Variants in FBXO34 observed in about 807,000 individuals in gnomAD.
FBXO34 encodes the protein F-box only protein 34.
Under a neutral mutation model 24.5 loss-of-function variants are expected in FBXO34, and 12 were observed. The ratio of observed to expected loss-of-function variants is 0.49; its 90% confidence interval spans 0.31 to 0.79. The LOEUF is 0.79. FBXO34 is among the 30% of genes least tolerant of loss of function. The probability of loss-of-function intolerance (pLI) is 0.04; values close to 1 mark genes in which losing one functional copy is unlikely to be tolerated. For synonymous variants in FBXO34, 320 were observed against 311.9 expected (o/e 1.03, Z -0.27); for missense variants, 823 against 857.7 (o/e 0.96, Z 0.51).
chr14:55,412,330 T>A, the FBXO34 span, among the ~76,000 whole-genome samples: 1 of 152,202 alleles, frequency 6.6e-6, no homozygotes, highest in Non-Finnish European at 1.5e-5. Flanking sequence ...TGTTCTCTCG[T>A]GTTAAATGGA....
rs1390542159 is a variant in FBXO34 at position 55,352,100 on chromosome 14, G to C, written c.1710G>C (p.Glu570Asp). ...GGTTTAAAATCCAGCAGCTTTTGGA[G>C]CCTCAGCAGTACATGGCTTTTCTGC... ...ETRFKIQQLL[E>D]PQQYMAFLPH... Residue 570 changes from glutamate to aspartate, a missense_variant, in exon 2 of 2, where the codon GAG becomes GAC. Around this residue, in one of 2 missense-constraint regions of FBXO34, gnomAD observed 130 missense variants for 198.6 expected, o/e 0.65. Transcript: ENST00000313833. The C allele has an allele frequency of 6.2e-7, 1 of 1,614,162 alleles. No individual in the cohort carries two copies. Among genetic ancestry groups the C allele is most frequent in the South Asian group, 1.1e-5 (1 of 91,076 alleles).
the FBXO34 span, among the ~76,000 whole-genome samples, chr14:55,402,090 A>C: frequency 5.3e-5 from 8 of 152,190 alleles, no homozygotes; most frequent in East Asian, 1.9e-4. Flanking sequence ...CAGAAAAACA[A>C]CACCAGGGCA....
At chr14:55,440,472 G>T in the FBXO34 span, 1 of 1,611,804 alleles carries the variant, frequency 6.2e-7, no homozygotes, top group Non-Finnish European at 8.5e-7. Flanking sequence ...CACTGTTGGG[G>T]GTGGGGGCGG....
chr14:55,296,113 T>C (rs1193880221), intron 1 of FBXO34, among the ~76,000 whole-genome samples: 2 of 151,854 alleles, frequency 1.3e-5, no homozygotes, highest in East Asian at 1.9e-4. Context: ...AGTCCCCCCC[T>C]TTTTTTTAAA....
chr14:55,393,449 A>G, the FBXO34 span, among the ~76,000 whole-genome samples: 1 of 152,118 alleles, frequency 6.6e-6, no homozygotes, highest in Non-Finnish European at 1.5e-5. Context: ...AAAATTACAC[A>G]TTACAGAAGA....
At position 55,331,761 on chromosome 14, in the gene FBXO34, G is replaced by A. The variant is rs991640318; in HGVS notation, c.-10-18620G>A. On this transcript the variant is annotated intron_variant, in intron 1 of 1. Coordinates refer to ENST00000313833, the MANE Select transcript of FBXO34 (RefSeq NM_017943.4). ...TATATGTGTGTATATATATATATAT[G>A]TATATATATATATATATACCACCAT... Among the ~76,000 whole-genome samples the A allele has an allele frequency of 6.7e-3, 199 of 29,884 alleles. 19 individuals carry two copies. The African/African-American group carries it at 0.076, about 11-fold the overall frequency. 19.6% of individuals were successfully genotyped at this position (29,884 alleles called of 152,430 possible).
intron 1 of FBXO34, among the ~76,000 whole-genome samples, chr14:55,345,175 C>T (rs1884119014): frequency 6.6e-6 from 1 of 152,150 alleles, no homozygotes; most frequent in African/African-American, 2.4e-5. Flanking sequence ...CAAGTATGCT[C>T]AGCCACCTGT....
chr14:55,278,414 A>G (rs901585593), intron 1 of FBXO34, among the ~76,000 whole-genome samples: 5 of 152,184 alleles, frequency 3.3e-5, no homozygotes, highest in African/African-American at 4.8e-5. Context: ...TGTAACAGAA[A>G]ACCAACTCAA....
intron 1 of FBXO34, among the ~76,000 whole-genome samples, chr14:55,279,314 T>A (rs942773497): frequency 6.6e-6 from 1 of 151,672 alleles, no homozygotes; most frequent in Non-Finnish European, 1.5e-5. Context: ...AAAATATATT[T>A]AGTGGGGTCT....
At chr14:55,375,994 T>C in the FBXO34 span, among the ~76,000 whole-genome samples, 4 of 152,374 alleles carry the variant, frequency 2.6e-5, no homozygotes, top group Admixed American at 2.0e-4. Context: ...GAACTGCATT[T>C]TATTTAATTC....
chr14:55,405,574 G>T, the FBXO34 span, among the ~76,000 whole-genome samples: 1 of 152,154 alleles, frequency 6.6e-6, no homozygotes, highest in Non-Finnish European at 1.5e-5. Flanking sequence ...TTAATTCTCA[G>T]TCCCATTCCC....
chr14:55,362,386 C>T (rs1462405787), downstream of FBXO34, among the ~76,000 whole-genome samples: 2 of 152,114 alleles, frequency 1.3e-5, no homozygotes, highest in African/African-American at 4.8e-5. Context: ...TGAGAATTAT[C>T]AAAATGTCAG....
At chr14:55,306,290 A>C (rs1188533099) in intron 1 of FBXO34, among the ~76,000 whole-genome samples, 1 of 152,218 alleles carries the variant, frequency 6.6e-6, no homozygotes, top group African/African-American at 2.4e-5. Flanking sequence ...GTAGAAACCC[A>C]CAACAAACCA....
At chr14:55,364,743 T>C (rs1305866760), downstream of FBXO34, among the ~76,000 whole-genome samples, 1 of 129,808 alleles carries the variant, frequency 7.7e-6, no homozygotes, top group Non-Finnish European at 1.7e-5. Context: ...TTTTTTTTTT[T>C]TTTTTTGAGA....
At chr14:55,281,617 C>G (rs1881545325) in intron 1 of FBXO34, among the ~76,000 whole-genome samples, 1 of 152,176 alleles carries the variant, frequency 6.6e-6, no homozygotes, top group African/African-American at 2.4e-5. Flanking sequence ...GCCTTGCTTT[C>G]TCCTTTCATT....
downstream of FBXO34, among the ~76,000 whole-genome samples, chr14:55,371,134 G>A (rs1884807641): frequency 6.6e-6 from 1 of 152,192 alleles, no homozygotes; most frequent in African/African-American, 2.4e-5. Context: ...AGCACACGAT[G>A]CCTTGGTTCA....
intron 1 of FBXO34, among the ~76,000 whole-genome samples, chr14:55,312,727 C>T (rs534534181): frequency 2.4e-4 from 37 of 152,338 alleles, no homozygotes; most frequent in Admixed American, 1.2e-3. Flanking sequence ...CTGAGCTGTA[C>T]GTTGCTCCAT....
chr14:55,351,350 C>G lies in FBXO34; in HGVS notation c.960C>G (p.Ser320Arg). Residue 320 changes from serine (S) to arginine (R), a missense_variant, in exon 2 of 2, where the codon AGC becomes AGG. Physicochemically the swap from Ser to Arg is moderately radical, Grantham distance 110. Around this residue, in one of 2 missense-constraint regions of FBXO34, gnomAD observed 693 missense variants for 659.1 expected, o/e 1.05. Coordinates refer to ENST00000313833, the MANE Select transcript of FBXO34 (RefSeq NM_017943.4). ...RNVGRVLLANSTQADEGKTKK... is the reference protein window; with the variant it reads ...RNVGRVLLANRTQADEGKTKK... Reference sequence around the variant, plus strand: ...TGGGCAGAGTATTGCTTGCAAATAGCACTCAGGCTGATGAAGGCAAAACAA... The same window carrying G: ...TGGGCAGAGTATTGCTTGCAAATAGGACTCAGGCTGATGAAGGCAAAACAA... 1 of 1,614,232 alleles carries G rather than the reference C, an allele frequency of 6.2e-7. No individual in the cohort carries two copies. The highest frequency in any genetic ancestry group is 8.5e-7 in the Non-Finnish European group (1 of 1,180,046).
intron 1 of FBXO34, among the ~76,000 whole-genome samples, chr14:55,315,499 C>G (rs1882897206): frequency 6.6e-6 from 1 of 152,174 alleles, no homozygotes; most frequent in East Asian, 1.9e-4. Context: ...TTTAGTCTTT[C>G]ATCTTGGCAG....
Sources: allele counts gnomAD v4.1 joint callset (sites outside exome capture counted in the v4.1 genomes callset), GRCh38; gene constraint gnomAD v4.1.1; regional missense constraint gnomAD v4.1.1; transcripts MANE v1.5; gene names NCBI Gene and HGNC (gene_info 2026-07-23, HGNC 2026-07-21).